AREL1: variants seen among roughly 807,000 people sequenced by gnomAD.
AREL1 encodes apoptosis resistant E3 ubiquitin protein ligase 1, also known as apoptosis-resistant E3 ubiquitin protein ligase 1.
In AREL1, 62 loss-of-function variants were observed where a neutral mutation model predicts 99.0. The observed-to-expected ratio is 0.63, with a 90% CI of 0.51 to 0.77. The LOEUF is 0.77. AREL1 is among the 30% of genes least tolerant of loss of function. The probability of loss-of-function intolerance (pLI) is 0.00; values close to 1 mark genes in which losing one functional copy is unlikely to be tolerated. For synonymous variants in AREL1, 380 were observed against 376.5 expected, an observed-to-expected ratio of 1.01 and a Z score of -0.11; for missense variants, 879 against 1,027.6, an observed-to-expected ratio of 0.86 and a Z score of 1.98.
intron 1 of AREL1, among the ~76,000 whole-genome samples, chr14:74,695,666 G>A (rs1293364022): frequency 3.3e-5 from 5 of 152,042 alleles, no homozygotes; most frequent in East Asian, 1.9e-4. Flanking sequence ...AGATACCTCC[G>A]TTATAGCATT....
intron 1 of AREL1, among the ~76,000 whole-genome samples, chr14:74,694,713 G>A (rs981480863): frequency 4.6e-5 from 7 of 152,084 alleles, no homozygotes; most frequent in African/African-American, 1.7e-4. Context: ...AAAGAGGCTG[G>A]GCACGGTGGC....
In AREL1 at chr14:74,713,077, G is replaced by GA. The variant is rs1452059628; in HGVS notation, c.-479dup. The GA allele has an allele frequency of 6.3e-7, 1 of 1,588,734 alleles. No homozygotes were observed. Among genetic ancestry groups the GA allele is most frequent in the Non-Finnish European group, 8.6e-7 (1 of 1,157,352 alleles). ...ACCCGGCCTGGGAACCGGCTCGGGGGATTGCCCTTTCCCCAAGGAGTTTCC... is the reference window on the plus strand; with the variant it reads ...ACCCGGCCTGGGAACCGGCTCGGGGGAATTGCCCTTTCCCCAAGGAGTTTCC... On this transcript the variant is annotated 5_prime_UTR_variant, in exon 1 of 20. Coordinates refer to ENST00000356357, the MANE Select transcript of AREL1 (RefSeq NM_001039479.2).
Position 74,661,600 on chromosome 14 carries a change from G to A in AREL1, c.*2120C>T. 6.3e-6 allele frequency: 1 copy of A among 158,702 alleles called. No individual in the cohort carries two copies. The highest frequency in any genetic ancestry group is 1.3e-5 in the Non-Finnish European group (1 of 79,858). The allele number at this position is 158,702 out of a possible 1,614,324, so 9.8% of individuals were successfully genotyped here. On this transcript the variant is annotated 3_prime_UTR_variant, in exon 20 of 20. Coordinates refer to ENST00000356357, the MANE Select transcript of AREL1 (RefSeq NM_001039479.2). ...CCCACACTGGCTAGTATGAAAGCAG[G>A]ATTAGAAAAAAAAAAAACAAAACAG...
Position 74,663,800 on chromosome 14 carries a change from T to C in AREL1, c.2392A>G (p.Thr798Ala), listed in dbSNP as rs761880187. The change falls in exon 20 of 20, where the codon ACA becomes GCA. Residue 798 changes from threonine to alanine, a missense_variant. Coordinates refer to ENST00000356357, the MANE Select transcript of AREL1 (RefSeq NM_001039479.2). ...HTCFNQLCLP[T>A]YDSYEEVHRM... Reference sequence around the variant, plus strand: ...TGCACCTCTTCATAGGAGTCATATGTAGGGAGGCACAGCTGGTTAAAACTG... The same window carrying C: ...TGCACCTCTTCATAGGAGTCATATGCAGGGAGGCACAGCTGGTTAAAACTG... 5.6e-6 allele frequency: 9 copies of C among 1,613,966 alleles called. No individual in the cohort carries two copies. Among genetic ancestry groups the C allele is most frequent in the Non-Finnish European group, 7.6e-6 (9 of 1,179,990 alleles).
At chr14:74,705,436 G>C (rs951569049) in intron 1 of AREL1, among the ~76,000 whole-genome samples, 1 of 152,122 alleles carries the variant, frequency 6.6e-6, no homozygotes, top group Non-Finnish European at 1.5e-5. Context: ...GTTTAGCCAA[G>C]GTTTTAGTCC....
chr14:74,677,695 G>A (rs1034816710), intron 5 of AREL1, among the ~76,000 whole-genome samples: 3 of 151,166 alleles, frequency 2.0e-5, no homozygotes, highest in African/African-American at 4.9e-5. Flanking sequence ...TAGAGACAGC[G>A]TTTCACCATA....
At chr14:74,690,195 G>C (rs1031541798) in intron 2 of AREL1, among the ~76,000 whole-genome samples, 1 of 147,714 alleles carries the variant, frequency 6.8e-6, no homozygotes, top group African/African-American at 2.5e-5. Context: ...AGGAGGTTAA[G>C]GCTGCAGTGA....
intron 9 of AREL1, 131 bp downstream of exon 9, chr14:74,673,903 T>C: frequency 1.5e-6 from 1 of 668,800 alleles, no homozygotes; most frequent in South Asian, 2.2e-5. Flanking sequence ...ATGCTTTATT[T>C]GGCAACGAAT....
At chr14:74,703,625 A>G (rs1290928277) in intron 1 of AREL1, among the ~76,000 whole-genome samples, 1 of 152,210 alleles carries the variant, frequency 6.6e-6, no homozygotes, top group African/African-American at 2.4e-5. Flanking sequence ...TTCACTTAGC[A>G]TAATGGTTCT....
chr14:74,683,638 G>T, intron 4 of AREL1, 105 bp from the exon 5 acceptor site: 1 of 920,422 alleles, frequency 1.1e-6, no homozygotes, highest in Admixed American at 2.0e-5. Flanking sequence ...GACCACACCA[G>T]TAAATCCCAG....
At chr14:74,695,731 C>T (rs1365514621) in intron 1 of AREL1, among the ~76,000 whole-genome samples, 2 of 152,160 alleles carry the variant, frequency 1.3e-5, no homozygotes, top group Admixed American at 6.6e-5. Flanking sequence ...TAATAGATTG[C>T]GGACTCCCCA....
chr14:74,695,585 G>C (rs2089968028), intron 1 of AREL1, among the ~76,000 whole-genome samples: 2 of 152,140 alleles, frequency 1.3e-5, no homozygotes, highest in African/African-American at 4.8e-5. Flanking sequence ...CCTGCTCCAA[G>C]GCCTCTCTGA....
chr14:74,671,295 A>T (rs1307161472), intron 12 of AREL1, 113 bp downstream of exon 12: 103 of 282,544 alleles, frequency 3.6e-4, no homozygotes, highest in East Asian at 3.9e-4. Flanking sequence ...TTTTTTTTTT[A>T]GGGAGTGAGT....
At chr14:74,671,950 G>C (rs1346143615) in intron 11 of AREL1, 2 of 451,230 alleles carry the variant, frequency 4.4e-6, no homozygotes, top group Non-Finnish European at 8.9e-6. Context: ...TGAGAAAACG[G>C]GTTTCCAGTC....
intron 5 of AREL1, among the ~76,000 whole-genome samples, chr14:74,681,816 G>A (rs573598790): frequency 2.7e-5 from 4 of 150,256 alleles, no homozygotes; most frequent in Admixed American, 2.0e-4. Flanking sequence ...GGGGGGGATA[G>A]GTGTGGCTGT....
At chr14:74,680,856 C>T (rs900760088) in intron 5 of AREL1, among the ~76,000 whole-genome samples, 5 of 152,086 alleles carry the variant, frequency 3.3e-5, no homozygotes, top group African/African-American at 1.2e-4. Context: ...AAGTATATTG[C>T]CAATATTCCA....
intron 1 of AREL1, among the ~76,000 whole-genome samples, chr14:74,699,945 A>C (rs2090052349): frequency 6.6e-6 from 1 of 152,368 alleles, no homozygotes; most frequent in Middle Eastern, 3.4e-3. Context: ...TTGGGGGACA[A>C]GGCTGTATGC....
intron 1 of AREL1, among the ~76,000 whole-genome samples, chr14:74,708,443 A>G (rs1448308406): frequency 6.6e-6 from 1 of 152,156 alleles, no homozygotes; most frequent in African/African-American, 2.4e-5. Flanking sequence ...ACTAGATCAC[A>G]CTTGGGAAGT....
Position 74,664,797 on chromosome 14 carries a change from A to G in AREL1, c.2193+39T>C, listed in dbSNP as rs755562273. On this transcript the variant is annotated intron_variant, in intron 18 of 19. Transcript: ENST00000356357. ...TCTTCTGAAACTTTTTCCTTATAAC[A>G]TGGCACAAATCCAACTGAAAGAAGT... The G allele has an allele frequency of 6.3e-6, 10 of 1,584,576 alleles. No individual in the cohort carries two copies. The African/African-American group carries it at 1.2e-4, about 19-fold the overall frequency.
Sources: gnomAD v4.1 joint callset for allele counts (sites outside exome capture counted in the v4.1 genomes callset) on GRCh38, gnomAD v4.1.1 for gene constraint, MANE v1.5 for transcripts, NCBI Gene and HGNC (gene_info 2026-07-23, HGNC 2026-07-21) for gene names.